CEP112: variants seen among roughly 807,000 people sequenced by gnomAD.
CEP112 encodes the protein centrosomal protein of 112 kDa.
CEP112 carries 127 observed loss-of-function variants against 153.0 expected under a neutral mutation model. The observed-to-expected ratio is 0.83, with a 90% CI of 0.72 to 0.96. The LOEUF is 0.96. CEP112 is among the 40% of genes least tolerant of loss of function. The pLI is 0.00. For missense variants in CEP112, 1,089 were observed against 1,101.2 expected (o/e 0.99, Z 0.16); for synonymous variants, 358 against 374.4 (o/e 0.96, Z 0.51).
intron 20 of CEP112, among the ~76,000 whole-genome samples, chr17:65,893,920 T>G (rs2059568751): frequency 6.6e-6 from 1 of 152,106 alleles, no homozygotes; most frequent in Non-Finnish European, 1.5e-5. Context: ...GAACATTTGA[T>G]GATATCACCA....
intron 23 of CEP112, among the ~76,000 whole-genome samples, chr17:65,735,185 T>C (rs1165417169): frequency 2.0e-5 from 3 of 152,198 alleles, no homozygotes; most frequent in East Asian, 3.9e-4. Context: ...AATTTTATCA[T>C]TAGCAACAAT....
intron 17 of CEP112, among the ~76,000 whole-genome samples, chr17:65,977,688 CCCGACACTTTGGGAAGCCGA>C (rs1270691022): frequency 7.2e-5 from 11 of 152,184 alleles, no homozygotes; most frequent in African/African-American, 2.7e-4. Flanking sequence ...TGCCTATAAT[CCCGACACTTTGGGAAGCCGA>C]GGTGGGAGGA....
At chr17:66,004,672 G>T (rs758149158) in intron 17 of CEP112, among the ~76,000 whole-genome samples, 1 of 152,096 alleles carries the variant, frequency 6.6e-6, no homozygotes, top group African/African-American at 2.4e-5. Flanking sequence ...GCATTAAAAC[G>T]TTCTATTCAG....
At chr17:66,102,420 C>T (rs187173499) in intron 6 of CEP112, among the ~76,000 whole-genome samples, 17 of 152,036 alleles carry the variant, frequency 1.1e-4, no homozygotes, top group Non-Finnish European at 2.4e-4. Flanking sequence ...TGAACAAAAA[C>T]ATAATATAAT....
At chr17:65,951,968 A>T (rs2061850737) in intron 18 of CEP112, among the ~76,000 whole-genome samples, 2 of 152,106 alleles carry the variant, frequency 1.3e-5, no homozygotes, top group Admixed American at 1.3e-4. Context: ...CCCTTGTAAT[A>T]CCTTCTTTGA....
At chr17:66,179,498 T>C (rs1353086332) in intron 2 of CEP112, among the ~76,000 whole-genome samples, 1 of 152,198 alleles carries the variant, frequency 6.6e-6, no homozygotes, top group Non-Finnish European at 1.5e-5. Flanking sequence ...TTGTTTGCTG[T>C]TGGCATATAG....
intron 24 of CEP112, among the ~76,000 whole-genome samples, chr17:65,681,449 A>G (rs1209428454): frequency 6.6e-6 from 1 of 151,472 alleles, no homozygotes; most frequent in Non-Finnish European, 1.5e-5. Flanking sequence ...CGACTCTGAC[A>G]TGCTTAAAGT....
intron 25 of CEP112, among the ~76,000 whole-genome samples, chr17:65,640,642 A>T (rs528502297): frequency 6.6e-6 from 1 of 152,324 alleles, no homozygotes; most frequent in East Asian, 1.9e-4. Flanking sequence ...AATCAGCCAT[A>T]TGCTAAGTGA....
At chr17:65,991,379 T>G (rs2319110) in intron 17 of CEP112, among the ~76,000 whole-genome samples, 1 of 151,880 alleles carries the variant, frequency 6.6e-6, no homozygotes, top group Non-Finnish European at 1.5e-5. Context: ...TTTGGTTGAA[T>G]GATACGTTAT....
rs138401725 is a variant in CEP112 at position 65,910,410 on chromosome 17, T to C, written c.1981-8076A>G. Among the ~76,000 whole-genome samples the C allele has an allele frequency of 6.4e-3, 975 of 152,114 alleles. 14 individuals are homozygous for C. Among genetic ancestry groups the C allele is most frequent in the African/African-American group, 0.023 (941 of 41,498 alleles). On this transcript the variant is annotated intron_variant, in intron 19 of 26. Transcript: ENST00000535342. ...AAAGTATCTGAAAACTAGAGAAACA[T>C]TAATTACATTAGGAAAAAGGTGAAC... is the stretch of plus-strand genomic sequence containing the variant.
At chr17:66,086,179 T>A (rs933983499) in intron 8 of CEP112, among the ~76,000 whole-genome samples, 2 of 152,000 alleles carry the variant, frequency 1.3e-5, no homozygotes, top group Admixed American at 6.6e-5. Flanking sequence ...GTTGACTCAC[T>A]TAAAAGAATG....
At chr17:65,686,192 T>C (rs543106759) in intron 24 of CEP112, among the ~76,000 whole-genome samples, 108 of 149,280 alleles carry the variant, frequency 7.2e-4, no homozygotes, top group Non-Finnish European at 7.8e-4. Context: ...ACAAAGATTA[T>C]GAAATATTCA....
chr17:66,031,994 T>C (rs146696442), intron 12 of CEP112, among the ~76,000 whole-genome samples: 141 of 152,210 alleles, frequency 9.3e-4, no homozygotes, highest in African/African-American at 2.6e-3. Context: ...CACCAGCAGT[T>C]TTCTCAAGAG....
chr17:65,929,205 T>G (rs2061037845), intron 18 of CEP112, among the ~76,000 whole-genome samples: 1 of 152,166 alleles, frequency 6.6e-6, no homozygotes, highest in African/African-American at 2.4e-5. Context: ...GTATGTGAAT[T>G]TTATCTCAAC....
intron 21 of CEP112, among the ~76,000 whole-genome samples, chr17:65,828,942 G>T (rs1288533457): frequency 6.6e-6 from 1 of 151,718 alleles, no homozygotes; most frequent in African/African-American, 2.4e-5. Flanking sequence ...TAGGTCAAAA[G>T]ATAGGGATAT....
At chr17:66,014,630 G>A (rs1172503911) in intron 16 of CEP112, among the ~76,000 whole-genome samples, 1 of 152,118 alleles carries the variant, frequency 6.6e-6, no homozygotes, top group East Asian at 1.9e-4. Flanking sequence ...GTCTTCTGCT[G>A]CCAGGATTCC....
chr17:65,859,679 T>TTA (rs1363411288), intron 20 of CEP112, among the ~76,000 whole-genome samples: 1 of 150,850 alleles, frequency 6.6e-6, no homozygotes, highest in East Asian at 1.9e-4. Flanking sequence ...TCTACTATCA[T>TTA]CACTTGTATT....
At chr17:66,122,832 T>C (rs1003870113) in intron 6 of CEP112, among the ~76,000 whole-genome samples, 4 of 152,296 alleles carry the variant, frequency 2.6e-5, no homozygotes, top group Admixed American at 2.6e-4. Context: ...GCTGTCTCTG[T>C]CCCTGGTTCT....
chr17:65,660,203 C>A (rs2046275219), intron 24 of CEP112, among the ~76,000 whole-genome samples: 1 of 134,716 alleles, frequency 7.4e-6, no homozygotes, highest in Non-Finnish European at 1.6e-5. Context: ...TTCCTTCCTT[C>A]CTTCTTTCCT....
Sources: gnomAD v4.1 joint callset for allele counts (sites outside exome capture counted in the v4.1 genomes callset) on GRCh38, gnomAD v4.1.1 for gene constraint, MANE v1.5 for transcripts, NCBI Gene and HGNC (gene_info 2026-07-23, HGNC 2026-07-21) for gene names.